FAR2: variants seen among roughly 807,000 people sequenced by gnomAD.
FAR2 encodes epididymis secretory protein Li 81.
In FAR2, 19 loss-of-function variants were observed where a neutral mutation model predicts 56.0. The ratio of observed to expected loss-of-function variants is 0.34; its 90% CI spans 0.24 to 0.50. The LOEUF (loss-of-function observed/expected upper bound fraction) is 0.50. Among genes scored for constraint, FAR2 ranks in the 20% least tolerant of loss-of-function variants. The pLI is 0.98. For missense variants in FAR2, 508 were observed against 642.2 expected (o/e 0.79, Z 2.26); for synonymous variants, 219 against 218.8 (o/e 1.00, Z -0.01).
intron 1 of FAR2, among the ~76,000 whole-genome samples, chr12:29,257,901 C>T (rs76186579): frequency 0.068 from 10,408 of 152,220 alleles, 417 homozygotes; most frequent in South Asian, 0.13. Context: ...GGATTACAGA[C>T]GTGAGACATC....
chr12:29,234,907 C>T (rs1162698827), intron 1 of FAR2, among the ~76,000 whole-genome samples: 1 of 152,184 alleles, frequency 6.6e-6, no homozygotes, highest in African/African-American at 2.4e-5. Flanking sequence ...TTCAATTACT[C>T]ACCTTAGCAA....
At chr12:29,154,027 A>G (rs1404366020) in intron 1 of FAR2, among the ~76,000 whole-genome samples, 1 of 152,202 alleles carries the variant, frequency 6.6e-6, no homozygotes, top group Non-Finnish European at 1.5e-5. Flanking sequence ...TGCTTTTCAT[A>G]CTATCCTCTC....
intron 8 of FAR2, among the ~76,000 whole-genome samples, chr12:29,312,943 C>A (rs1949378801): frequency 6.6e-6 from 1 of 152,052 alleles, no homozygotes; most frequent in Admixed American, 6.6e-5. Context: ...ACCTGGCATG[C>A]AGGTATTTTT....
chr12:29,308,235 T>G (rs750312336), intron 5 of FAR2, among the ~76,000 whole-genome samples: 1 of 152,220 alleles, frequency 6.6e-6, no homozygotes, highest in African/African-American at 2.4e-5. Context: ...GATCTCAGTT[T>G]AGGAATACTA....
chr12:29,330,161 C>T (rs1180215893), intron 10 of FAR2, among the ~76,000 whole-genome samples: 33 of 150,356 alleles, frequency 2.2e-4, no homozygotes, highest in Non-Finnish European at 5.9e-5. Context: ...GGTTCAAGCG[C>T]GTCTCCTGTC....
intron 1 of FAR2, among the ~76,000 whole-genome samples, chr12:29,210,730 G>A (rs1257149162): frequency 6.6e-6 from 1 of 152,156 alleles, no homozygotes; most frequent in African/African-American, 2.4e-5. Context: ...AAGGTGGGCA[G>A]ATCATGAGGT....
chr12:29,285,016 T>C (rs1312387460), intron 2 of FAR2, among the ~76,000 whole-genome samples: 1 of 152,140 alleles, frequency 6.6e-6, no homozygotes, highest in Non-Finnish European at 1.5e-5. Context: ...TAATTTTTTG[T>C]ATTTTTAGTA....
chr12:29,247,571 T>G (rs1307211073), intron 1 of FAR2, among the ~76,000 whole-genome samples: 1 of 152,230 alleles, frequency 6.6e-6, no homozygotes, highest in Non-Finnish European at 1.5e-5. Context: ...ACATTTAAAC[T>G]ATTTTGTTTC....
chr12:29,217,865 G>A (rs1193431460), intron 1 of FAR2, among the ~76,000 whole-genome samples: 3 of 152,016 alleles, frequency 2.0e-5, no homozygotes, highest in Non-Finnish European at 4.4e-5. Flanking sequence ...GAATTCACAG[G>A]AAAGCTCTTT....
intron 1 of FAR2, among the ~76,000 whole-genome samples, chr12:29,178,839 G>A (rs917449271): frequency 1.3e-5 from 2 of 152,164 alleles, no homozygotes; most frequent in Non-Finnish European, 2.9e-5. Context: ...ATTTGCTAGG[G>A]CTGCTACAGC....
chr12:29,314,302 G>T lies in FAR2; in HGVS notation c.955+2352G>T, dbSNP rs1258429641. ...AAATAGGCATTATTCTTGGGCTATG[G>T]ATACATCACTAAACAGAAATCCATG... On this transcript the variant is annotated intron_variant, in intron 8 of 11. Coordinates refer to ENST00000536681, the MANE Select transcript of FAR2 (RefSeq NM_001271783.2). Among the ~76,000 whole-genome samples the T allele has an allele frequency of 3.3e-5, 5 of 152,080 alleles. No individual in the cohort carries two copies. The East Asian group carries it at 9.6e-4, about 29-fold the overall frequency.
chr12:29,162,291 A>G (rs1383211747), intron 1 of FAR2, among the ~76,000 whole-genome samples: 2 of 152,254 alleles, frequency 1.3e-5, no homozygotes, highest in East Asian at 1.9e-4. Context: ...ATGTTTTTCC[A>G]TGTGGATATT....
At chr12:29,226,906 C>T (rs892259248) in intron 1 of FAR2, among the ~76,000 whole-genome samples, 1 of 152,072 alleles carries the variant, frequency 6.6e-6, no homozygotes, top group African/African-American at 2.4e-5. Context: ...AACCTAGAGC[C>T]ATTTGTAAGA....
At position 29,309,184 on chromosome 12, in the gene FAR2, AGGGTT is replaced by A; in HGVS notation, c.729_733del (p.Trp243Ter). 1 of 1,597,202 alleles carries A rather than the reference AGGGTT, an allele frequency of 6.3e-7. No homozygotes were observed. The highest frequency in any genetic ancestry group is 8.6e-7 in the Non-Finnish European group (1 of 1,167,012). On this transcript the variant is annotated splice_acceptor_variant and coding_sequence_variant, in exon 6 of 12. Coordinates refer to ENST00000536681, the MANE Select transcript of FAR2 (RefSeq NM_001271783.2). LOFTEE classifies it high-confidence loss of function. ...AACCAATAGAAATCTTCTTTCTTTT[AGGGTT>A]GGGTTGATAATATAAATGGACCTAA...
intron 1 of FAR2, among the ~76,000 whole-genome samples, chr12:29,225,759 T>C (rs1565478371): frequency 6.6e-6 from 1 of 152,230 alleles, no homozygotes; most frequent in African/African-American, 2.4e-5. Context: ...CTGCCACAGC[T>C]TTGTTTATCA....
chr12:29,173,335 G>A (rs1949906103), intron 1 of FAR2, among the ~76,000 whole-genome samples: 1 of 152,148 alleles, frequency 6.6e-6, no homozygotes, highest in African/African-American at 2.4e-5. Flanking sequence ...GAGATTAGAG[G>A]AGGCTTATCA....
chr12:29,180,962 C>CT (rs973986079), intron 1 of FAR2, among the ~76,000 whole-genome samples: 4 of 151,984 alleles, frequency 2.6e-5, no homozygotes, highest in African/African-American at 9.7e-5. Context: ...ATGGCAGCTT[C>CT]TTTTTTTATC....
intron 1 of FAR2, among the ~76,000 whole-genome samples, chr12:29,244,223 T>C (rs1768637625): frequency 6.6e-6 from 1 of 152,234 alleles, no homozygotes; most frequent in African/African-American, 2.4e-5. Context: ...GGTCACTTCA[T>C]GCTCCAAAAA....
intron 3 of FAR2, among the ~76,000 whole-genome samples, chr12:29,293,806 T>C (rs1949011966): frequency 6.6e-6 from 1 of 152,230 alleles, no homozygotes; most frequent in Non-Finnish European, 1.5e-5. Flanking sequence ...TAATTTGTAA[T>C]GATTACATGA....
Sources: allele counts gnomAD v4.1 joint callset (sites outside exome capture counted in the v4.1 genomes callset), GRCh38; gene constraint gnomAD v4.1.1; transcripts MANE v1.5; gene names NCBI Gene and HGNC (gene_info 2026-07-23, HGNC 2026-07-21).